Variants in PDS5B observed in about 807,000 individuals in gnomAD.
PDS5B encodes sister chromatid cohesion protein PDS5 homolog B.
Under a neutral mutation model 184.1 loss-of-function variants are expected in PDS5B, and 51 were observed. The ratio of observed to expected loss-of-function variants is 0.28; its 90% CI spans 0.22 to 0.35. The LOEUF is 0.35. PDS5B is among the 10% of genes least tolerant of loss of function. PDS5B has a pLI of 1.00. For synonymous variants in PDS5B, 566 were observed against 569.2 expected (o/e 0.99, Z 0.08); for missense variants, 1,180 against 1,723.3 (o/e 0.68, Z 5.58).
intron 1 of PDS5B, among the ~76,000 whole-genome samples, chr13:32,621,314 A>G (rs1593274906): frequency 6.6e-6 from 1 of 152,186 alleles, no homozygotes; most frequent in East Asian, 1.9e-4. Flanking sequence ...AAATAAAAAA[A>G]TTGGCTGGGC....
intron 19 of PDS5B, among the ~76,000 whole-genome samples, chr13:32,714,134 AC>A (rs1284230618): frequency 1.3e-5 from 2 of 152,212 alleles, no homozygotes; most frequent in Admixed American, 1.3e-4. Context: ...GACATCAAGT[AC>A]TTAACAGGGT....
chr13:32,640,703 A>C (rs1023600900), intron 1 of PDS5B, among the ~76,000 whole-genome samples: 2 of 152,072 alleles, frequency 1.3e-5, no homozygotes, highest in Non-Finnish European at 2.9e-5. Context: ...TTATAGTTTT[A>C]CTATTAATTG....
At chr13:32,697,190 A>G (rs1689672063) in intron 15 of PDS5B, among the ~76,000 whole-genome samples, 1 of 152,240 alleles carries the variant, frequency 6.6e-6, no homozygotes, top group Non-Finnish European at 1.5e-5. Flanking sequence ...AATATAAAGG[A>G]TATACCTAAT....
chr13:32,764,665 A>T, intron 31 of PDS5B, 71 bp downstream of exon 31: 1 of 756,004 alleles, frequency 1.3e-6, no homozygotes, highest in Non-Finnish European at 2.1e-6. Flanking sequence ...CACTGAAACC[A>T]GTTAACATGA....
chr13:32,698,490 TG>T (rs1951771042), intron 15 of PDS5B, among the ~76,000 whole-genome samples: 1 of 152,206 alleles, frequency 6.6e-6, no homozygotes, highest in South Asian at 2.1e-4. Flanking sequence ...CTTCTATAAG[TG>T]ATCATGTTTA....
chr13:32,688,842 C>G (rs1156457006), intron 13 of PDS5B: 2 of 367,826 alleles, frequency 5.4e-6, no homozygotes, highest in African/African-American at 4.1e-5. Context: ...TCTCAAGAAA[C>G]GTTGATGTAC....
intron 19 of PDS5B, among the ~76,000 whole-genome samples, chr13:32,717,084 G>A (rs1201927020): frequency 7.4e-5 from 11 of 148,556 alleles, no homozygotes; most frequent in African/African-American, 1.7e-4. Context: ...TCAGCCCCCC[G>A]CCCGGCCAGC....
chr13:32,683,641 A>C (rs944000322), intron 10 of PDS5B, among the ~76,000 whole-genome samples: 8 of 152,178 alleles, frequency 5.3e-5, no homozygotes, highest in Admixed American at 2.6e-4. Context: ...TTCTTAATCA[A>C]GTTATCAATC....
At chr13:32,732,258 AT>A in intron 20 of PDS5B, 34 bp downstream of exon 20, 2 of 1,460,556 alleles carry the variant, frequency 1.4e-6, no homozygotes, top group Non-Finnish European at 1.9e-6. Context: ...TTTATTTCAT[AT>A]GTCATAGTTA....
intron 28 of PDS5B, among the ~76,000 whole-genome samples, chr13:32,759,206 C>T (rs1485582616): frequency 1.3e-5 from 2 of 152,184 alleles, no homozygotes; most frequent in African/African-American, 4.8e-5. Context: ...TGGAAATAAC[C>T]ACTATCCTCT....
Position 32,706,485 on chromosome 13 carries a change from CTT to C in PDS5B, c.1857-447_1857-446del, listed in dbSNP as rs1479598170. ...GGAGGAGGCCTAGGTATATTTCTGA[CTT>C]TGACAGCTGTGCGTGACACACAGTA... On this transcript the variant is annotated intron_variant, in intron 17 of 34. Coordinates refer to ENST00000315596, the MANE Select transcript of PDS5B (RefSeq NM_015032.4). Among the ~76,000 whole-genome samples the C allele has an allele frequency of 7.2e-5, 11 of 152,132 alleles. No individual in the cohort carries two copies. In the East Asian group the frequency reaches 1.9e-3, roughly 27 times the overall value.
At chr13:32,593,279 C>T (rs1416243929) in intron 1 of PDS5B, among the ~76,000 whole-genome samples, 1 of 152,184 alleles carries the variant, frequency 6.6e-6, no homozygotes, top group Non-Finnish European at 1.5e-5. Flanking sequence ...GGCACCAACC[C>T]CTGTGCAGTT....
chr13:32,596,506 T>C (rs1356112136), intron 1 of PDS5B, among the ~76,000 whole-genome samples: 1 of 152,240 alleles, frequency 6.6e-6, no homozygotes, highest in Non-Finnish European at 1.5e-5. Flanking sequence ...TCATTTCTCT[T>C]GAGTAAATAC....
intron 1 of PDS5B, among the ~76,000 whole-genome samples, chr13:32,594,608 T>A (rs928508161): frequency 1.1e-4 from 16 of 152,238 alleles, no homozygotes; most frequent in African/African-American, 2.9e-4. Flanking sequence ...AGCAACCATT[T>A]TGACCAAGTC....
At chr13:32,764,995 A>C (rs1954537763) in intron 31 of PDS5B, among the ~76,000 whole-genome samples, 1 of 152,128 alleles carries the variant, frequency 6.6e-6, no homozygotes, top group Non-Finnish European at 1.5e-5. Flanking sequence ...TTATTTCTTG[A>C]GCCTTTTACT....
chr13:32,707,031 C>A lies in PDS5B; in HGVS notation c.1954C>A (p.Leu652Met). ...TCAAGCCATCAGAGCAGGTCTTGAA[C>A]TGCTTAAGGTAAGTATCTATTTAAA... ...TDQAIRAGLE[L>M]LKVLSFTHPI... Residue 652 changes from leucine (L) to methionine (M), a missense_variant, in exon 18 of 35, where the codon CTG (leucine) becomes ATG (methionine). Leu to Met is a conservative substitution (Grantham distance 15). This residue lies in a region of PDS5B where 475 missense variants were observed against 691.5 expected (regional missense o/e 0.69). Transcript: ENST00000315596. The A allele has an allele frequency of 6.3e-7, 1 of 1,578,430 alleles. No homozygotes were observed. Among genetic ancestry groups the A allele is most frequent in the Non-Finnish European group, 8.7e-7 (1 of 1,154,766 alleles).
At chr13:32,697,924 A>G (rs1323970949) in intron 15 of PDS5B, among the ~76,000 whole-genome samples, 1 of 152,166 alleles carries the variant, frequency 6.6e-6, no homozygotes, top group Non-Finnish European at 1.5e-5. Context: ...TATGTTGCCC[A>G]GGCTAGTGCT....
intron 13 of PDS5B, chr13:32,688,866 T>C (rs1199733075): frequency 3.0e-6 from 1 of 329,872 alleles, no homozygotes; most frequent in East Asian, 6.9e-5. Flanking sequence ...TTCTTTTTTA[T>C]TTGTTTTCCT....
Position 32,762,879 on chromosome 13 carries a change from A to G in PDS5B, c.3519-1610A>G, listed in dbSNP as rs565805601. On this transcript the variant is annotated intron_variant, in intron 30 of 34. Transcript: ENST00000315596. The stretch of plus-strand genomic sequence containing the variant: ...TTAAAAATACTACTGTCGTGATGTT[A>G]TTTCATTGCTCAGAGATCTTAATTG... 5.3e-5 allele frequency among the ~76,000 whole-genome samples: 8 copies of G among 152,232 alleles called. No individual in the cohort carries two copies. In the South Asian group the frequency reaches 6.2e-4, roughly 12 times the overall value.
Sources: gnomAD v4.1 joint callset for allele counts (sites outside exome capture counted in the v4.1 genomes callset) on GRCh38, gnomAD v4.1.1 for gene constraint, gnomAD v4.1.1 regional missense constraint, MANE v1.5 for transcripts, NCBI Gene and HGNC (gene_info 2026-07-23, HGNC 2026-07-21) for gene names.